The following TMEM65 variants were observed in gnomAD, a reference collection of about 807,000 sequenced individuals.
TMEM65 encodes the protein transmembrane protein 65.
Under a neutral mutation model 25.4 loss-of-function variants are expected in TMEM65, and 22 were observed. The observed-to-expected ratio is 0.86, with a 90% CI of 0.62 to 1.23. The LOEUF (loss-of-function observed/expected upper bound fraction) is 1.23, where lower values mean the gene tolerates loss of function less well. Ranked by LOEUF, TMEM65 falls within the 50% of genes most tolerant of loss-of-function variation. The pLI is 0.00. For missense variants in TMEM65, 262 were observed against 308.2 expected, an observed-to-expected ratio of 0.85 and a Z score of 1.12; for synonymous variants, 132 against 126.2, an observed-to-expected ratio of 1.05 and a Z score of -0.31.
chr8:124,313,898 G>A lies in TMEM65; in HGVS notation c.*62C>T, dbSNP rs1296944390. The A allele has an allele frequency of 2.7e-6, 3 of 1,111,576 alleles. No individual in the cohort carries two copies. In the African/African-American group the frequency reaches 4.7e-5, roughly 17 times the overall value. 68.9% of individuals were successfully genotyped at this position (1,111,576 alleles called of 1,614,324 possible). ...TACTGTCTTAATTCCTAAATGTTGT[G>A]ACAGCATATTTAATTACTGAGGTAC... is the stretch of plus-strand genomic sequence containing the variant. On this transcript the variant is annotated 3_prime_UTR_variant, in exon 7 of 7. Transcript: ENST00000297632.
chr8:124,348,495 A>T (rs911877064), intron 1 of TMEM65, among the ~76,000 whole-genome samples: 12 of 152,148 alleles, frequency 7.9e-5, no homozygotes, highest in African/African-American at 2.9e-4. Flanking sequence ...CTTAAAAAAA[A>T]ATCTTGTTGC....
rs1213269322 is a variant in TMEM65, at chr8:124,306,713, C to A, written c.*7247G>T. 3.3e-5 allele frequency: 5 copies of A among 152,182 alleles called. No homozygotes were observed. The highest frequency in any genetic ancestry group is 7.2e-5 in the African/African-American group (3 of 41,432). The allele number at this position is 152,182 out of a possible 1,614,324, so 9.4% of individuals were successfully genotyped here. A position where few individuals can be genotyped will look rare whatever the true frequency, so the allele number is the denominator to read the frequency against. On this transcript the variant is annotated 3_prime_UTR_variant, in exon 7 of 7. Coordinates refer to ENST00000297632, the MANE Select transcript of TMEM65 (RefSeq NM_194291.3). ...CCTGTAATCCCAACACTTCAGGAGG[C>A]CGAGGCAGGCGGATCACCTGAGGTC...
At chr8:124,314,745 G>A (rs1473822522) in intron 6 of TMEM65, among the ~76,000 whole-genome samples, 4 of 152,000 alleles carry the variant, frequency 2.6e-5, no homozygotes, top group African/African-American at 4.8e-5. Context: ...ATCTCTTCCC[G>A]AACTCTTTGG....
At chr8:124,335,449 T>C (rs1005790067) in intron 1 of TMEM65, among the ~76,000 whole-genome samples, 1 of 152,150 alleles carries the variant, frequency 6.6e-6, no homozygotes, top group Non-Finnish European at 1.5e-5. Context: ...TGGGTAAATA[T>C]AAAAGATTAC....
intron 1 of TMEM65, among the ~76,000 whole-genome samples, chr8:124,336,119 A>G (rs986309776): frequency 6.6e-6 from 1 of 152,042 alleles, no homozygotes; most frequent in African/African-American, 2.4e-5. Flanking sequence ...TACCAGAAAT[A>G]AACCAGGGAC....
chr8:124,333,120 G>C (rs915913409), intron 1 of TMEM65, among the ~76,000 whole-genome samples: 30 of 150,664 alleles, frequency 2.0e-4, no homozygotes, highest in African/African-American at 7.1e-4. Context: ...TTTAAAATCA[G>C]AAGTTATTCT....
chr8:124,348,562 T>C (rs1003702183), intron 1 of TMEM65, among the ~76,000 whole-genome samples: 2 of 152,170 alleles, frequency 1.3e-5, no homozygotes, highest in African/African-American at 4.8e-5. Flanking sequence ...AAAAATCATA[T>C]AGCTATGGAT....
rs1468241167 is a variant in TMEM65 at position 124,372,693 on chromosome 8, A to C, written c.-536T>G. 1.9e-5 allele frequency: 3 copies of C among 160,756 alleles called. No homozygotes were observed. The highest frequency in any genetic ancestry group is 4.1e-5 in the Non-Finnish European group (3 of 73,826). 10.0% of individuals were successfully genotyped at this position (160,756 alleles called of 1,614,324 possible). ...CGCCGCCGCCGCTACCCCTAGCGGC[A>C]GCAGAAGTGGGAACGGGGCGGGGCG... On this transcript the variant is annotated 5_prime_UTR_variant, in exon 1 of 7. Coordinates refer to ENST00000297632, the MANE Select transcript of TMEM65 (RefSeq NM_194291.3).
chr8:124,356,133 C>T (rs534818582), intron 1 of TMEM65, among the ~76,000 whole-genome samples: 31 of 152,204 alleles, frequency 2.0e-4, no homozygotes, highest in African/African-American at 6.0e-4. Flanking sequence ...CCAATTAAAC[C>T]TTTTTTTAAT....
chr8:124,349,322 C>T (rs1814677532), intron 1 of TMEM65, among the ~76,000 whole-genome samples: 2 of 147,820 alleles, frequency 1.4e-5, no homozygotes, highest in African/African-American at 5.0e-5. Flanking sequence ...AAATGTAATT[C>T]CCCTTCAGAT....
intron 2 of TMEM65, among the ~76,000 whole-genome samples, chr8:124,327,687 C>T (rs1446159931): frequency 6.6e-6 from 1 of 151,710 alleles, no homozygotes; most frequent in East Asian, 1.9e-4. Context: ...CACACACACA[C>T]ACACACACAC....
Position 124,371,966 on chromosome 8 carries a change from C to T in TMEM65, c.192G>A (p.Glu64=). The T allele has an allele frequency of 6.7e-7, 1 of 1,497,558 alleles. No homozygotes were observed. 92.8% of individuals were successfully genotyped at this position (1,497,558 alleles called of 1,614,324 possible). Residue 64 remains glutamate, a synonymous_variant, in exon 1 of 7, where the codon GAG becomes GAA. Transcript: ENST00000297632. ...GCGCGCCCTGCGCCGTGTTCAGCGC[C>T]TCCATGGGCTCCTTCTTGGGGTGCG... ...LGTHPKKEPM[E]ALNTAQGARD...
At chr8:124,335,685 C>T (rs1172151627) in intron 1 of TMEM65, among the ~76,000 whole-genome samples, 1 of 151,994 alleles carries the variant, frequency 6.6e-6, no homozygotes, top group Non-Finnish European at 1.5e-5. Flanking sequence ...GTTAAGAATA[C>T]ATGCTGTAAT....
chr8:124,363,443 A>G (rs902026601), intron 1 of TMEM65, among the ~76,000 whole-genome samples: 3 of 152,202 alleles, frequency 2.0e-5, no homozygotes, highest in Admixed American at 1.3e-4. Flanking sequence ...GTCTTTAACC[A>G]TGACCATTTT....
chr8:124,332,524 A>C (rs998745150), intron 1 of TMEM65, among the ~76,000 whole-genome samples: 1 of 152,212 alleles, frequency 6.6e-6, no homozygotes, highest in Admixed American at 6.6e-5. Context: ...GTAGTAATAA[A>C]GAAAAAAATC....
chr8:124,364,181 G>C (rs1009606983), intron 1 of TMEM65, among the ~76,000 whole-genome samples: 6 of 152,254 alleles, frequency 3.9e-5, no homozygotes, highest in African/African-American at 1.4e-4. Context: ...AAGGGAGGAA[G>C]TAAAAAGACA....
chr8:124,335,976 T>A (rs565356991), intron 1 of TMEM65, among the ~76,000 whole-genome samples: 1 of 152,000 alleles, frequency 6.6e-6, no homozygotes, highest in African/African-American at 2.4e-5. Context: ...CCCAACTATA[T>A]GATATCCCAA....
At chr8:124,366,496 G>A (rs1275634926) in intron 1 of TMEM65, among the ~76,000 whole-genome samples, 2 of 151,894 alleles carry the variant, frequency 1.3e-5, no homozygotes, top group African/African-American at 4.8e-5. Flanking sequence ...GATACCATAA[G>A]AAACAGCATC....
chr8:124,340,651 G>A (rs1209535000), intron 1 of TMEM65, among the ~76,000 whole-genome samples: 2 of 151,604 alleles, frequency 1.3e-5, no homozygotes, highest in Admixed American at 1.3e-4. Flanking sequence ...ATGACTAGCT[G>A]TTTGATGTCC....
Sources: allele counts gnomAD v4.1 joint callset (sites outside exome capture counted in the v4.1 genomes callset), GRCh38; gene constraint gnomAD v4.1.1; transcripts MANE v1.5; gene names NCBI Gene and HGNC (gene_info 2026-07-23, HGNC 2026-07-21).